XRCC4: variants seen among roughly 807,000 people sequenced by gnomAD.
XRCC4 encodes X-ray repair cross complementing 4.
In XRCC4, 28 loss-of-function variants were observed where a neutral mutation model predicts 39.1. That is an observed-to-expected ratio of 0.72 (90% CI 0.53 to 0.98). XRCC4 has a LOEUF of 0.98. XRCC4 is among the 50% of genes least tolerant of loss of function. XRCC4 has a pLI of 0.00. For missense variants in XRCC4, 350 were observed against 376.4 expected (o/e 0.93, Z 0.58); for synonymous variants, 123 against 126.4 (o/e 0.97, Z 0.18).
At chr5:83,163,592 G>T (rs1337419088) in intron 3 of XRCC4, among the ~76,000 whole-genome samples, 2 of 152,154 alleles carry the variant, frequency 1.3e-5, no homozygotes, top group Non-Finnish European at 2.9e-5. Flanking sequence ...ACAGATTCCT[G>T]GTATTTATGG....
intron 3 of XRCC4, among the ~76,000 whole-genome samples, chr5:83,131,222 T>C (rs1419960844): frequency 2.0e-5 from 3 of 152,216 alleles, no homozygotes; most frequent in African/African-American, 7.2e-5. Flanking sequence ...TTCATTTTGT[T>C]ATTTACCCGT....
At chr5:83,153,934 C>T (rs58230499) in intron 3 of XRCC4, among the ~76,000 whole-genome samples, 2,303 of 152,228 alleles carry the variant, frequency 0.015, 55 homozygotes, top group African/African-American at 0.052. Context: ...TGTATTTTTA[C>T]AACTTTTTTA....
rs1382414387 is a variant in XRCC4 at position 83,353,655 on chromosome 5, C to G, written c.*413C>G. 2.0e-5 allele frequency: 3 copies of G among 152,686 alleles called. No homozygotes were observed. The highest frequency in any genetic ancestry group is 4.4e-5 in the Non-Finnish European group (3 of 68,442). The allele number at this position is 152,686 out of a possible 1,614,324, so 9.5% of individuals were successfully genotyped here. A position where few individuals can be genotyped will look rare whatever the true frequency, so the allele number is the denominator to read the frequency against. ...TAGACGTATTCAAACATATTCTGAACATTGATGTTTGAACATTTTAATTTG... is the reference window on the plus strand; with the variant it reads ...TAGACGTATTCAAACATATTCTGAAGATTGATGTTTGAACATTTTAATTTG... On this transcript the variant is annotated 3_prime_UTR_variant, in exon 8 of 8. Transcript: ENST00000396027.
Position 83,186,941 on chromosome 5 carries a change from A to ATTT in XRCC4, c.316-8811_316-8809dup, listed in dbSNP as rs770811313. Among the ~76,000 whole-genome samples, 68 of 87,490 alleles carry ATTT rather than the reference A, an allele frequency of 7.8e-4. 10 individuals are homozygous for ATTT. The highest frequency in any genetic ancestry group is 6.6e-3 in the East Asian group (23 of 3,472). The allele number at this position is 87,490 out of a possible 152,430, so 57.4% of individuals were successfully genotyped here. ...TTTTGGCTCATGGCCTGCTTCTTCC[A>ATTT]TTTTTTTTTTTTTTTTTTTTGAGAC... On this transcript the variant is annotated intron_variant, in intron 3 of 7. Coordinates refer to ENST00000396027, the MANE Select transcript of XRCC4 (RefSeq NM_003401.5).
intron 7 of XRCC4, among the ~76,000 whole-genome samples, chr5:83,315,901 C>T (rs889061291): frequency 1.3e-5 from 2 of 152,094 alleles, no homozygotes; most frequent in Non-Finnish European, 2.9e-5. Context: ...ACTTTCAAGT[C>T]TTATTATTTC....
chr5:83,144,542 G>C (rs1337349130), intron 3 of XRCC4, among the ~76,000 whole-genome samples: 12 of 25,778 alleles, frequency 4.7e-4, no homozygotes, highest in Middle Eastern at 0.012. Flanking sequence ...TGTTTGTTTT[G>C]TGTCTCCCCA....
chr5:83,372,934 C>T, the XRCC4 span, among the ~76,000 whole-genome samples: 1 of 152,142 alleles, frequency 6.6e-6, no homozygotes, highest in African/African-American at 2.4e-5. Context: ...TTTGTTTCTG[C>T]AGACTGCTTG....
At chr5:83,309,755 CAAAAAAAAAAA>C (rs10597317) in intron 7 of XRCC4, among the ~76,000 whole-genome samples, 25 of 79,062 alleles carry the variant, frequency 3.2e-4, no homozygotes, top group African/African-American at 1.0e-3. Flanking sequence ...AGACCCGTCT[CAAAAAAAAAAA>C]AAAAAAAAAA....
At chr5:83,294,241 C>G (rs1755020251) in intron 7 of XRCC4, among the ~76,000 whole-genome samples, 1 of 151,944 alleles carries the variant, frequency 6.6e-6, no homozygotes, top group African/African-American at 2.4e-5. Context: ...ACAAGAGGAA[C>G]TTGCAGGTCA....
intron 1 of XRCC4, among the ~76,000 whole-genome samples, chr5:83,099,601 A>G (rs1418049039): frequency 1.3e-5 from 2 of 152,184 alleles, no homozygotes; most frequent in African/African-American, 4.8e-5. Context: ...AAAGACACAA[A>G]GTACTAAAGA....
intron 3 of XRCC4, among the ~76,000 whole-genome samples, chr5:83,137,056 A>G (rs1490432692): frequency 6.6e-6 from 1 of 152,154 alleles, no homozygotes; most frequent in East Asian, 1.9e-4. Flanking sequence ...CAAGTTGTGT[A>G]CCTTATATAC....
chr5:83,135,421 G>GT (rs1306070532), intron 3 of XRCC4, among the ~76,000 whole-genome samples: 7 of 151,518 alleles, frequency 4.6e-5, no homozygotes, highest in South Asian at 2.1e-4. Flanking sequence ...TGCTTTTAAG[G>GT]TTTTTTCTTT....
At chr5:83,121,858 A>C (rs1313582267) in intron 3 of XRCC4, among the ~76,000 whole-genome samples, 1 of 151,302 alleles carries the variant, frequency 6.6e-6, no homozygotes, top group Non-Finnish European at 1.5e-5. Flanking sequence ...TTTTGAGTTA[A>C]TTTTTGTACA....
chr5:83,171,809 C>T (rs183683822), intron 3 of XRCC4, among the ~76,000 whole-genome samples: 1 of 152,114 alleles, frequency 6.6e-6, no homozygotes, highest in Non-Finnish European at 1.5e-5. Context: ...GTTTCTCCTG[C>T]CAGATTATAA....
chr5:83,114,952 A>G (rs1053083290), intron 3 of XRCC4, among the ~76,000 whole-genome samples: 11 of 152,152 alleles, frequency 7.2e-5, no homozygotes, highest in Non-Finnish European at 1.2e-4. Flanking sequence ...GCAGAAAGAG[A>G]AGGAGGAACA....
At chr5:83,182,652 A>G (rs190829435) in intron 3 of XRCC4, among the ~76,000 whole-genome samples, 62 of 152,290 alleles carry the variant, frequency 4.1e-4, no homozygotes, top group African/African-American at 1.2e-3. Context: ...GTTGAAGCTT[A>G]AGTCTTCTTA....
chr5:83,148,037 C>G (rs1280677766), intron 3 of XRCC4, among the ~76,000 whole-genome samples: 2 of 152,106 alleles, frequency 1.3e-5, no homozygotes, highest in African/African-American at 4.8e-5. Flanking sequence ...ATTCGCCCTC[C>G]TCGGCCTCCC....
intron 7 of XRCC4, among the ~76,000 whole-genome samples, chr5:83,310,440 G>A (rs1221805735): frequency 1.3e-5 from 2 of 152,164 alleles, no homozygotes; most frequent in East Asian, 3.9e-4. Flanking sequence ...AAGAAAAAGA[G>A]CCTCCTGGCA....
intron 7 of XRCC4, among the ~76,000 whole-genome samples, chr5:83,282,853 T>A (rs962435307): frequency 5.9e-5 from 9 of 151,618 alleles, no homozygotes; most frequent in African/African-American, 1.7e-4. Flanking sequence ...AAAAATAAAA[T>A]AAAATAAAAT....
Sources: allele counts gnomAD v4.1 joint callset (sites outside exome capture counted in the v4.1 genomes callset), GRCh38; gene constraint gnomAD v4.1.1; transcripts MANE v1.5; gene names NCBI Gene and HGNC (gene_info 2026-07-23, HGNC 2026-07-21).